EFCAB10: variants seen among roughly 807,000 people sequenced by gnomAD.
EFCAB10 encodes the protein EF-hand calcium binding domain 10, also known as EF-hand calcium-binding domain-containing protein 10.
In EFCAB10, 7 loss-of-function variants were observed where a neutral mutation model predicts 7.7. The observed-to-expected ratio is 0.91, with a 90% CI of 0.52 to 1.72. The LOEUF (loss-of-function observed/expected upper bound fraction) is 1.72, where lower values mean the gene tolerates loss of function less well. Among genes scored for constraint, EFCAB10 ranks in the 40% most tolerant of loss-of-function variants. The pLI is 0.00. For synonymous variants in EFCAB10, 52 were observed against 21.0 expected (o/e 2.47, Z -4.03); for missense variants, 112 against 61.5 (o/e 1.82, Z -2.74).
In EFCAB10 at chr7:105,569,523, G is replaced by A. The variant is rs200676906; in HGVS notation, c.155C>T (p.Ala52Val). 4.3e-6 allele frequency: 3 copies of A among 702,556 alleles called. No individual in the cohort carries two copies. Among genetic ancestry groups the A allele is most frequent in the Non-Finnish European group, 7.8e-6 (3 of 384,938 alleles). The allele number at this position is 702,556 out of a possible 1,614,324, so 43.5% of individuals were successfully genotyped here. A position where few individuals can be genotyped will look rare whatever the true frequency, so the allele number is the denominator to read the frequency against. Residue 52 changes from alanine to valine, a missense_variant, in exon 2 of 5, where the codon GCA becomes GTA. Coordinates refer to ENST00000480514, the MANE Select transcript of EFCAB10 (RefSeq NM_001355526.2). The part of the protein sequence containing the change: ...LISLLERLRI[A>V]KVTGVAFPFF... ...AGGAAACGCCACGCCTGTTACTTTT[G>A]CAATTCTCAGTCGTTCCAATAGAGA... is the stretch of plus-strand genomic sequence containing the variant.
intron 1 of EFCAB10, among the ~76,000 whole-genome samples, chr7:105,574,245 G>GTATATATATATATATATA (rs58936582): frequency 2.1e-5 from 3 of 143,744 alleles, no homozygotes; most frequent in African/African-American, 7.6e-5. Context: ...CATATATACA[G>GTATATATATATATATATA]TATATATATA....
intron 1 of EFCAB10, among the ~76,000 whole-genome samples, chr7:105,570,248 T>A (rs1316664474): frequency 2.7e-3 from 164 of 60,310 alleles, no homozygotes; most frequent in East Asian, 6.2e-3. Context: ...AAAATATATA[T>A]ATATATATAT....
intron 4 of EFCAB10, chr7:105,567,210 G>A: frequency 6.2e-7 from 1 of 1,613,312 alleles, no homozygotes; most frequent in Non-Finnish European, 8.5e-7. Flanking sequence ...GCAGCTTCCT[G>A]CCACAGCAGC....
At chr7:105,565,519 C>T (rs751630489) in intron 4 of EFCAB10, 72 bp from the exon 5 acceptor site, 21 of 1,609,682 alleles carry the variant, frequency 1.3e-5, no homozygotes, top group Non-Finnish European at 8.5e-7. Flanking sequence ...ATGAATTATT[C>T]TTTGTTTCAG....
At chr7:105,570,482 A>T (rs187797649) in intron 1 of EFCAB10, among the ~76,000 whole-genome samples, 217 of 151,972 alleles carry the variant, frequency 1.4e-3, no homozygotes, top group Admixed American at 6.6e-3. Flanking sequence ...ATGATGAAAA[A>T]GCCAAAAAGA....
At chr7:105,577,752 T>C (rs930150856) in intron 1 of EFCAB10, among the ~76,000 whole-genome samples, 6 of 151,800 alleles carry the variant, frequency 4.0e-5, no homozygotes, top group Non-Finnish European at 7.4e-5. Context: ...AGAGTCTTGT[T>C]CTGTCACCCA....
At chr7:105,574,934 TAAAAAA>T (rs1209254689) in intron 1 of EFCAB10, among the ~76,000 whole-genome samples, 6,060 of 103,530 alleles carry the variant, frequency 0.059, 490 homozygotes, top group African/African-American at 0.19. Flanking sequence ...TATCCCTACT[TAAAAAA>T]AAAAAAAAAA....
intron 4 of EFCAB10, chr7:105,566,754 AATTT>A (rs1293479628): frequency 6.4e-6 from 1 of 155,126 alleles, no homozygotes; most frequent in Non-Finnish European, 1.4e-5. Context: ...CTGTTTTTAA[AATTT>A]ATTTTAATGT....
chr7:105,570,841 G>A (rs1586285685), intron 1 of EFCAB10, among the ~76,000 whole-genome samples: 3 of 152,016 alleles, frequency 2.0e-5, no homozygotes, highest in East Asian at 1.9e-4. Flanking sequence ...CGGCTAACAC[G>A]GTGAAACCCC....
At chr7:105,574,195 C>CACAT (rs3999802) in intron 1 of EFCAB10, among the ~76,000 whole-genome samples, 2 of 148,670 alleles carry the variant, frequency 1.3e-5, no homozygotes, top group African/African-American at 2.5e-5. Flanking sequence ...TACACACACA[C>CACAT]GTATATATAT....
At chr7:105,565,922 G>A (rs914709275) in intron 4 of EFCAB10, among the ~76,000 whole-genome samples, 1 of 148,792 alleles carries the variant, frequency 6.7e-6, no homozygotes, top group Non-Finnish European at 1.5e-5. Context: ...TTAGTTACTG[G>A]AGGAATAAAT....
chr7:105,579,373 T>TG (rs1223980538), intron 1 of EFCAB10, among the ~76,000 whole-genome samples: 2 of 151,886 alleles, frequency 1.3e-5, no homozygotes, highest in African/African-American at 4.8e-5. Flanking sequence ...TGGGTGGTGG[T>TG]GGTGGGGGTA....
chr7:105,565,922 G>C (rs914709275), intron 4 of EFCAB10, among the ~76,000 whole-genome samples: 1 of 148,792 alleles, frequency 6.7e-6, no homozygotes, highest in Non-Finnish European at 1.5e-5. Context: ...TTAGTTACTG[G>C]AGGAATAAAT....
Position 105,569,584 on chromosome 7 carries a change from A to G in EFCAB10, c.107-13T>C, listed in dbSNP as rs1229233554. Reference sequence around the variant, plus strand: ...TCTTTTGGTTTTTCTGCAAAAGAATAGTTCCAGCTCTTTCTGATACGAAAT... The same window carrying G: ...TCTTTTGGTTTTTCTGCAAAAGAATGGTTCCAGCTCTTTCTGATACGAAAT... On this transcript the variant is annotated splice_polypyrimidine_tract_variant and intron_variant, in intron 1 of 4. Coordinates refer to ENST00000480514, the MANE Select transcript of EFCAB10 (RefSeq NM_001355526.2). 16 of 689,272 alleles carry G rather than the reference A, an allele frequency of 2.3e-5. No homozygotes were observed. The highest frequency in any genetic ancestry group is 3.7e-5 in the Non-Finnish European group (14 of 381,482). 42.7% of individuals were successfully genotyped at this position (689,272 alleles called of 1,614,324 possible).
chr7:105,567,553 C>T, intron 3 of EFCAB10, 63 bp from the exon 4 acceptor site: 2 of 658,648 alleles, frequency 3.0e-6, no homozygotes, highest in East Asian at 2.7e-5. Context: ...AGTATAAATG[C>T]TGAGTATGTC....
intron 2 of EFCAB10, 36 bp from the exon 3 acceptor site, chr7:105,569,326 T>C (rs1390672988): frequency 1.4e-6 from 1 of 694,762 alleles, no homozygotes; most frequent in Admixed American, 2.1e-5. Flanking sequence ...GTGAGAATTT[T>C]ACAAAGTGAG....
intron 2 of EFCAB10, 58 bp downstream of exon 2, chr7:105,569,349 C>G: frequency 1.4e-6 from 1 of 692,994 alleles, no homozygotes; most frequent in Non-Finnish European, 2.6e-6. Context: ...GTATTTTCTG[C>G]TAGAAAAAAC....
At chr7:105,566,040 T>C (rs2133484552) in intron 4 of EFCAB10, among the ~76,000 whole-genome samples, 1 of 152,076 alleles carries the variant, frequency 6.6e-6, no homozygotes, top group South Asian at 2.1e-4. Context: ...GAGGCTGAGT[T>C]GGGCAGATCA....
chr7:105,573,804 A>C (rs759988710), intron 1 of EFCAB10: 2 of 152,172 alleles, frequency 1.3e-5, no homozygotes, highest in African/African-American at 4.8e-5. Flanking sequence ...AGCCAGTATG[A>C]ATCCAGGCAA....
Sources: allele counts gnomAD v4.1 joint callset (sites outside exome capture counted in the v4.1 genomes callset), GRCh38; gene constraint gnomAD v4.1.1; transcripts MANE v1.5; gene names NCBI Gene and HGNC (gene_info 2026-07-23, HGNC 2026-07-21).